The following MAEL variants were observed in gnomAD, a reference collection of about 807,000 sequenced individuals.
MAEL encodes protein maelstrom homolog.
A neutral mutation model predicts 62.0 loss-of-function variants in MAEL; 46 were observed. The ratio of observed to expected loss-of-function variants is 0.74; its 90% confidence interval spans 0.59 to 0.95. MAEL has a LOEUF of 0.95. MAEL is among the 40% of genes least tolerant of loss of function. The pLI is 0.00. For missense variants in MAEL, 497 were observed against 526.8 expected (o/e 0.94, Z 0.55); for synonymous variants, 172 against 175.5 (o/e 0.98, Z 0.16).
At chr1:166,993,979 T>C (rs548070158) in intron 4 of MAEL, 49 bp from the exon 5 acceptor site, 1 of 1,482,716 alleles carries the variant, frequency 6.7e-7, no homozygotes, top group Non-Finnish European at 9.4e-7. Context: ...ACTGTAGCAC[T>C]AGAGAACTTT....
intron 2 of MAEL, among the ~76,000 whole-genome samples, chr1:166,991,093 T>C (rs745857370): frequency 6.6e-5 from 10 of 152,212 alleles, no homozygotes; most frequent in Non-Finnish European, 1.3e-4. Context: ...TGGCCTGGCA[T>C]GTAGTAGGTG....
In MAEL at chr1:166,994,070, G is replaced by A; in HGVS notation, c.523+1G>A. 1 of 1,612,954 alleles carries A rather than the reference G, an allele frequency of 6.2e-7. No homozygotes were observed. Among genetic ancestry groups the A allele is most frequent in the Non-Finnish European group, 8.5e-7 (1 of 1,179,268 alleles). ...TTTCGATTTCATTGTCAGGCTGCAA[G>A]TAAGTATAAAGGAATGGGGTAGGAT... On this transcript the variant is annotated splice_donor_variant, in intron 5 of 11. Transcript: ENST00000367872. LOFTEE classifies it high-confidence loss of function.
At chr1:167,007,557 TTGTGTGTGTG>T (rs71073634) in intron 8 of MAEL, among the ~76,000 whole-genome samples, 21 of 128,476 alleles carry the variant, frequency 1.6e-4, no homozygotes, top group Middle Eastern at 3.8e-3. Context: ...AAATATATGT[TTGTGTGTGTG>T]TGTGTGTGTG....
intron 2 of MAEL, chr1:166,990,641 A>G (rs768331147): frequency 1.3e-5 from 2 of 152,210 alleles, no homozygotes; most frequent in Non-Finnish European, 2.9e-5. Flanking sequence ...CCTGTGCGAA[A>G]GAGCAAAACT....
At chr1:166,980,304 G>C (rs948456136) in intron 1 of MAEL, among the ~76,000 whole-genome samples, 3 of 152,094 alleles carry the variant, frequency 2.0e-5, no homozygotes, top group Non-Finnish European at 4.4e-5. Flanking sequence ...GGGATTACAA[G>C]TTTGAGCCAC....
At position 167,004,937 on chromosome 1, in the gene MAEL, C is replaced by T. The variant is rs2102098015; in HGVS notation, c.649-139C>T. The T allele has an allele frequency of 1.3e-5, 9 of 676,686 alleles. No homozygotes were observed. In the South Asian group the frequency reaches 1.6e-4, roughly 12 times the overall value. The allele number at this position is 676,686 out of a possible 1,614,324, so 41.9% of individuals were successfully genotyped here. Reference sequence around the variant, plus strand: ...TTTTTTATAGTTTTCATTTCATTGGCACAAACTCCTCAGTCTTTCTCCTGT... The same window carrying T: ...TTTTTTATAGTTTTCATTTCATTGGTACAAACTCCTCAGTCTTTCTCCTGT... On this transcript the variant is annotated intron_variant, in intron 6 of 11. Coordinates refer to ENST00000367872, the MANE Select transcript of MAEL (RefSeq NM_032858.3).
chr1:166,981,162 G>A (rs1289895164), intron 1 of MAEL, among the ~76,000 whole-genome samples: 2 of 152,172 alleles, frequency 1.3e-5, no homozygotes, highest in Non-Finnish European at 2.9e-5. Flanking sequence ...CCTGACCTTT[G>A]TGTTGAAGTA....
At chr1:166,979,331 C>T (rs905962568) in intron 1 of MAEL, among the ~76,000 whole-genome samples, 3 of 151,074 alleles carry the variant, frequency 2.0e-5, no homozygotes, top group Non-Finnish European at 4.4e-5. Flanking sequence ...ATCCTCCATA[C>T]CTTCAAAACC....
At chr1:166,983,354 A>G (rs1394253743) in intron 1 of MAEL, among the ~76,000 whole-genome samples, 2 of 152,090 alleles carry the variant, frequency 1.3e-5, no homozygotes, top group Non-Finnish European at 2.9e-5. Flanking sequence ...AGTGTTCCTC[A>G]GGACTCCATC....
chr1:166,997,608 G>C (rs1015751176), intron 5 of MAEL, among the ~76,000 whole-genome samples: 1 of 152,070 alleles, frequency 6.6e-6, no homozygotes, highest in Non-Finnish European at 1.5e-5. Context: ...AGATGCAGTC[G>C]TAGCTCACTG....
chr1:166,978,057 G>A (rs2102054938), intron 1 of MAEL, among the ~76,000 whole-genome samples: 1 of 152,340 alleles, frequency 6.6e-6, no homozygotes, highest in African/African-American at 2.4e-5. Flanking sequence ...ATATGAAGTG[G>A]AACGTGAATG....
intron 11 of MAEL, 50 bp from the exon 12 acceptor site, chr1:167,021,618 T>A: frequency 7.6e-7 from 1 of 1,308,172 alleles, no homozygotes; most frequent in Non-Finnish European, 1.1e-6. Flanking sequence ...CTCTTTGTAA[T>A]AAAATTATAA....
At chr1:166,997,106 G>C (rs1028064384) in intron 5 of MAEL, among the ~76,000 whole-genome samples, 1 of 152,200 alleles carries the variant, frequency 6.6e-6, no homozygotes, top group African/African-American at 2.4e-5. Flanking sequence ...GCTTACAGGC[G>C]TGAGCCACCA....
chr1:167,021,613 T>TGAG (rs1274525980), intron 11 of MAEL, 55 bp from the exon 12 acceptor site: 2 of 1,243,906 alleles, frequency 1.6e-6, no homozygotes, highest in Non-Finnish European at 2.2e-6. Flanking sequence ...GGCATCTCTT[T>TGAG]GTAATAAAAT....
upstream of MAEL, chr1:166,989,189 C>T: frequency 1.1e-6 from 1 of 928,536 alleles, no homozygotes; most frequent in Non-Finnish European, 1.6e-6. Context: ...CAGTCTCAGG[C>T]TGTTTGTTCC....
chr1:167,004,366 A>G, intron 6 of MAEL, 62 bp downstream of exon 6: 1 of 1,471,606 alleles, frequency 6.8e-7, no homozygotes, highest in Non-Finnish European at 9.1e-7. Context: ...GATCCATAAA[A>G]CAAAGAATTT....
chr1:166,983,935 G>T (rs1406651416), intron 1 of MAEL, among the ~76,000 whole-genome samples: 1 of 150,696 alleles, frequency 6.6e-6, no homozygotes, highest in African/African-American at 2.5e-5. Context: ...CCATGGGACT[G>T]AGGCTGCAGT....
chr1:166,987,006 T>C (rs375730086), upstream of MAEL, among the ~76,000 whole-genome samples: 1 of 151,380 alleles, frequency 6.6e-6, no homozygotes, highest in Non-Finnish European at 1.5e-5. Context: ...AACTGTTACA[T>C]TTGTTTTTAT....
intron 1 of MAEL, 118 bp from the exon 2 acceptor site, chr1:166,989,619 C>A (rs1664071347): frequency 2.0e-6 from 3 of 1,468,340 alleles, no homozygotes; most frequent in South Asian, 1.3e-5. Context: ...CCGTTTGTGG[C>A]CCTGGGCAAA....
Sources: allele counts gnomAD v4.1 joint callset (sites outside exome capture counted in the v4.1 genomes callset), GRCh38; gene constraint gnomAD v4.1.1; transcripts MANE v1.5; gene names NCBI Gene and HGNC (gene_info 2026-07-23, HGNC 2026-07-21).